RIN2: variants seen among roughly 807,000 people sequenced by gnomAD.
The protein encoded by RIN2 is RAB5 interacting protein 2.
A neutral mutation model predicts 78.0 loss-of-function variants in RIN2; 36 were observed. That is an observed-to-expected ratio of 0.46 (90% CI 0.35 to 0.61). The LOEUF (loss-of-function observed/expected upper bound fraction) is 0.61, where lower values mean the gene tolerates loss of function less well. RIN2 is among the 20% of genes least tolerant of loss of function. The probability of loss-of-function intolerance (pLI) is 0.00; values close to 1 mark genes in which losing one functional copy is unlikely to be tolerated. For synonymous variants in RIN2, 466 were observed against 466.8 expected, an observed-to-expected ratio of 1.00 and a Z score of 0.02; for missense variants, 1,087 against 1,159.7, an observed-to-expected ratio of 0.94 and a Z score of 0.91.
intron 2 of RIN2, among the ~76,000 whole-genome samples, chr20:19,850,511 C>T (rs577528999): frequency 1.3e-5 from 2 of 152,348 alleles, no homozygotes; most frequent in East Asian, 3.9e-4. Flanking sequence ...CTGTTTGTAG[C>T]AGTCACTGCA....
intron 3 of RIN2, among the ~76,000 whole-genome samples, chr20:19,896,299 C>T (rs1322575638): frequency 6.6e-6 from 1 of 152,092 alleles, no homozygotes; most frequent in Non-Finnish European, 1.5e-5. Context: ...ATCAATTTTC[C>T]TGCCTCAGCC....
intron 3 of RIN2, among the ~76,000 whole-genome samples, chr20:19,932,170 C>T (rs1001305942): frequency 2.0e-5 from 3 of 152,136 alleles, no homozygotes; most frequent in African/African-American, 4.8e-5. Context: ...GAATTAATGC[C>T]GTTATCTTGG....
chr20:19,949,847 A>T (rs1406801519), intron 4 of RIN2, among the ~76,000 whole-genome samples: 1 of 152,134 alleles, frequency 6.6e-6, no homozygotes, highest in Non-Finnish European at 1.5e-5. Flanking sequence ...CATCGTTTGG[A>T]AGTTCTGCTC....
At chr20:19,977,736 AG>A (rs34571932) in intron 9 of RIN2, among the ~76,000 whole-genome samples, 1 of 152,154 alleles carries the variant, frequency 6.6e-6, no homozygotes, top group Admixed American at 6.5e-5. Context: ...TCAGTAGTTC[AG>A]GGGAATTGTA....
At chr20:19,891,664 C>T (rs2038468611) in intron 3 of RIN2, among the ~76,000 whole-genome samples, 1 of 152,144 alleles carries the variant, frequency 6.6e-6, no homozygotes, top group Non-Finnish European at 1.5e-5. Context: ...ACTAAAAATA[C>T]AAAACTTAGC....
In RIN2 at chr20:19,975,203, C is replaced by T. The variant is rs773728327; in HGVS notation, c.1178C>T (p.Ala393Val). The T allele has an allele frequency of 1.2e-6, 2 of 1,600,030 alleles. No homozygotes were observed. Among genetic ancestry groups the T allele is most frequent in the Non-Finnish European group, 1.7e-6 (2 of 1,173,560 alleles). ...GGCCCGGAGCTGGAGCTGGGCACAG[C>T]TGGCAGCCCAGGTGGGGCCCCGCCT... ...GAGPELELGTAGSPGGAPPEA... is the reference protein window; with the variant it reads ...GAGPELELGTVGSPGGAPPEA... The change falls in exon 9 of 13, where the codon GCT (alanine) becomes GTT (valine). Residue 393 changes from alanine (A) to valine (V), a missense_variant. Ala to Val is a moderately conservative substitution (Grantham distance 64). This residue lies in a region of RIN2 where 706 missense variants were observed against 667.5 expected (regional missense o/e 1.06). Transcript: ENST00000255006. This position sits in a 1 kb window ranked among gnomAD's most constrained non-coding sequence, Gnocchi z 4.9.
At chr20:19,890,966 T>C (rs1028814014) in intron 3 of RIN2, among the ~76,000 whole-genome samples, 1 of 152,242 alleles carries the variant, frequency 6.6e-6, no homozygotes, top group African/African-American at 2.4e-5. Flanking sequence ...TCTTGACAAG[T>C]AAACCCTTGT....
intron 2 of RIN2, among the ~76,000 whole-genome samples, chr20:19,803,258 C>A (rs907534754): frequency 1.3e-5 from 2 of 152,136 alleles, no homozygotes; most frequent in Admixed American, 1.3e-4. Context: ...GCAAGTCTTG[C>A]TGGAAAATAA....
intron 7 of RIN2, among the ~76,000 whole-genome samples, chr20:19,968,000 A>G (rs948579023): frequency 6.6e-6 from 1 of 152,202 alleles, no homozygotes; most frequent in African/African-American, 2.4e-5. Flanking sequence ...AGTTGAACTC[A>G]GGCCTGCCTT....
At chr20:19,942,704 A>T (rs933268549) in intron 4 of RIN2, among the ~76,000 whole-genome samples, 8 of 152,166 alleles carry the variant, frequency 5.3e-5, no homozygotes, top group Admixed American at 1.3e-4. Context: ...GGTGTTTTTG[A>T]TCATCCTAGA....
At chr20:19,827,176 A>C (rs561153694) in intron 2 of RIN2, among the ~76,000 whole-genome samples, 5 of 152,128 alleles carry the variant, frequency 3.3e-5, no homozygotes, top group African/African-American at 1.2e-4. Context: ...GGGTCTCGCC[A>C]TGTTGGCCAG....
intron 3 of RIN2, among the ~76,000 whole-genome samples, chr20:19,894,444 G>T (rs1046437295): frequency 6.6e-6 from 1 of 152,090 alleles, no homozygotes. Context: ...AATAGAGATG[G>T]ATTCTCTGTG....
chr20:19,907,161 A>C (rs1001728948), intron 3 of RIN2, among the ~76,000 whole-genome samples: 1 of 151,974 alleles, frequency 6.6e-6, no homozygotes, highest in African/African-American at 2.4e-5. Context: ...AAGGGGCTGA[A>C]CTCATCCTTT....
chr20:19,936,567 C>T (rs2040653197), intron 4 of RIN2, among the ~76,000 whole-genome samples: 1 of 152,106 alleles, frequency 6.6e-6, no homozygotes, highest in African/African-American at 2.4e-5. Flanking sequence ...TGACAGACAC[C>T]CAGACACAGA....
chr20:19,855,726 A>G (rs983140214), intron 2 of RIN2, among the ~76,000 whole-genome samples: 2 of 152,172 alleles, frequency 1.3e-5, no homozygotes, highest in African/African-American at 4.8e-5. Context: ...AACACCAACA[A>G]GAGACTGGCA....
At chr20:19,867,200 C>T (rs1210549015) in intron 2 of RIN2, among the ~76,000 whole-genome samples, 1 of 152,134 alleles carries the variant, frequency 6.6e-6, no homozygotes, top group Non-Finnish European at 1.5e-5. Flanking sequence ...CACACATGCT[C>T]ATGTGCACAC....
Position 19,990,015 on chromosome 20 carries a change from TG to T in RIN2, c.1774del (p.Glu592LysfsTer9). On this transcript the variant is annotated frameshift_variant, in exon 10 of 13. Coordinates refer to ENST00000255006, the MANE Select transcript of RIN2 (RefSeq NM_018993.4). LOFTEE classifies it high-confidence loss of function. ...ACACTTTCTTTGGCAGATGTGGTGC[TG>T]GAAAAAGCCATGCACAAGTGCATCT... The part of the protein sequence containing the change: ...LIPEDQIDVV[L>X]EKAMHKCILK... The T allele has an allele frequency of 6.4e-7, 1 of 1,557,330 alleles. No individual in the cohort carries two copies. The highest frequency in any genetic ancestry group is 8.7e-7 in the Non-Finnish European group (1 of 1,152,408).
chr20:19,992,416 C>A, intron 11 of RIN2, 117 bp downstream of exon 11: 2 of 981,286 alleles, frequency 2.0e-6, no homozygotes, highest in Non-Finnish European at 2.9e-6. Context: ...AATTCAGTGG[C>A]ATTTAGTATA....
chr20:19,889,829 G>A (rs558981203), intron 3 of RIN2, among the ~76,000 whole-genome samples, 171 bp downstream of exon 3: 3 of 152,292 alleles, frequency 2.0e-5, no homozygotes, highest in Non-Finnish European at 2.9e-5. Flanking sequence ...AACAGGTTGC[G>A]GGGTCTGTGA....
Sources: gnomAD v4.1 joint callset for allele counts (sites outside exome capture counted in the v4.1 genomes callset) on GRCh38, gnomAD v4.1.1 for gene constraint, gnomAD v4.1.1 regional missense constraint, Gnocchi (gnomAD v3.1) non-coding constraint, MANE v1.5 for transcripts, NCBI Gene and HGNC (gene_info 2026-07-23, HGNC 2026-07-21) for gene names.